Variants in PSG6 observed in about 807,000 individuals in gnomAD.
PSG6 encodes pregnancy-specific beta-1-glycoprotein 6.
Under a neutral mutation model 43.3 loss-of-function variants are expected in PSG6, and 51 were observed. That is an observed-to-expected ratio of 1.18 (90% confidence interval 0.94 to 1.49). The LOEUF (loss-of-function observed/expected upper bound fraction) is 1.49. Ranked by LOEUF, PSG6 falls within the 40% of genes most tolerant of loss-of-function variation. The probability of loss-of-function intolerance (pLI) is 0.00; values close to 1 mark genes in which losing one functional copy is unlikely to be tolerated. For synonymous variants in PSG6, 292 were observed against 197.6 expected, an observed-to-expected ratio of 1.48 and a Z score of -4.01; for missense variants, 770 against 522.2, an observed-to-expected ratio of 1.47 and a Z score of -4.62.
chr19:42,910,674 A>C lies in PSG6; in HGVS notation c.612T>G (p.Phe204Leu), dbSNP rs201297782. ...GTCCTGCAATATACTTTGTGACACC[A>C]AATAGATAGAGGGTCCTGTTGGTTT... ...LSKTNRTLYL[F>L]GVTKYIAGPY... The change falls in exon 3 of 6, where the codon TTT (phenylalanine) becomes TTG (leucine). Residue 204 changes from phenylalanine (F) to leucine (L), a missense_variant. Transcript: ENST00000187910. The C allele has an allele frequency of 2.4e-4, 394 of 1,612,358 alleles. 16 individuals are homozygous for C. The East Asian group carries it at 8.4e-3, about 35-fold the overall frequency.
At chr19:42,915,977 T>A in intron 2 of PSG6, 148 bp downstream of exon 2, 1 of 1,348,406 alleles carries the variant, frequency 7.4e-7, no homozygotes, top group African/African-American at 1.5e-5. Context: ...GTCTCCTCTG[T>A]GTGTGTCCTG....
chr19:42,916,551 C>G, intron 1 of PSG6, 64 bp from the exon 2 acceptor site: 1 of 1,552,020 alleles, frequency 6.4e-7, no homozygotes, highest in East Asian at 2.3e-5. Context: ...AAGATGGGGC[C>G]CTGTGTCCTG....
At chr19:42,908,337 G>A (rs139666909) in intron 3 of PSG6, among the ~76,000 whole-genome samples, 1 of 151,714 alleles carries the variant, frequency 6.6e-6, no homozygotes, top group African/African-American at 2.4e-5. Flanking sequence ...CAGATACTGA[G>A]CAGCCTGGCC....
rs879766841 is a variant in PSG6, at chr19:42,914,738, C to G, written c.427+1387G>C. On this transcript the variant is annotated intron_variant, in intron 2 of 5. Coordinates refer to ENST00000187910, the MANE Select transcript of PSG6 (RefSeq NM_001031850.4). The stretch of plus-strand genomic sequence containing the variant: ...GTTTTGGATCATCCATTTCTTCATT[C>G]CATTCCTTCATTTGTTATGTGAGAG... 4.7e-4 allele frequency among the ~76,000 whole-genome samples: 71 copies of G among 151,688 alleles called. 1 individual carries two copies. The highest frequency in any genetic ancestry group is 1.7e-3 in the African/African-American group (70 of 41,354).
rs1263875302 is a variant in PSG6, at chr19:42,916,177, C to A, written c.375G>T (p.Lys125Asn). ...TTACTCCTCCAGTCCCATCGCCTCG[C>A]TTTATGATGTGTAAGGTGTAGGATC... ...DAGSYTLHII[K>N]RGDGTGGVTG... is the part of the protein sequence containing the mutation. The change falls in exon 2 of 6, where the codon AAG (lysine) becomes AAT (asparagine). Residue 125 changes from lysine to asparagine, a missense_variant. Physicochemically the swap from Lys to Asn is moderately conservative, Grantham distance 94. Coordinates refer to ENST00000187910, the MANE Select transcript of PSG6 (RefSeq NM_001031850.4). The A allele has an allele frequency of 6.2e-7, 1 of 1,612,022 alleles. No homozygotes were observed. Among genetic ancestry groups the A allele is most frequent in the African/African-American group, 1.3e-5 (1 of 74,710 alleles).
At chr19:42,916,599 C>T in intron 1 of PSG6, 112 bp from the exon 2 acceptor site, 3 of 1,406,982 alleles carry the variant, frequency 2.1e-6, no homozygotes, top group South Asian at 1.4e-5. Context: ...AAGATATGCA[C>T]ACACACACAT....
At chr19:42,911,149 A>C (rs958645592) in intron 2 of PSG6, among the ~76,000 whole-genome samples, 2 of 151,548 alleles carry the variant, frequency 1.3e-5, no homozygotes, top group Non-Finnish European at 2.9e-5. Flanking sequence ...TGCCTCTCTG[A>C]GTCCCTCCGT....
At chr19:42,913,872 C>A (rs1410038248) in intron 2 of PSG6, among the ~76,000 whole-genome samples, 4 of 151,498 alleles carry the variant, frequency 2.6e-5, no homozygotes, top group Admixed American at 1.3e-4. Context: ...CAGCAGTACT[C>A]ATTTTTTAGT....
At chr19:42,917,097 A>G in intron 1 of PSG6, among the ~76,000 whole-genome samples, 1 of 150,538 alleles carries the variant, frequency 6.6e-6, no homozygotes, top group African/African-American at 2.5e-5. Flanking sequence ...CCAATTGTTG[A>G]GGTTTTTTGC....
At chr19:42,912,205 G>A (rs1283679645) in intron 2 of PSG6, among the ~76,000 whole-genome samples, 1 of 151,438 alleles carries the variant, frequency 6.6e-6, no homozygotes, top group African/African-American at 2.4e-5. Flanking sequence ...TTCAGATTGT[G>A]GATTTCTGGA....
chr19:42,906,656 G>T (rs1972117266), intron 5 of PSG6: 2 of 1,403,030 alleles, frequency 1.4e-6, no homozygotes, highest in East Asian at 2.5e-5. Flanking sequence ...CCTCTGTGAA[G>T]CCTCTTCTAC....
chr19:42,916,129 T>G lies in PSG6; in HGVS notation c.423A>C (p.Leu141Phe). 10 of 1,611,126 alleles carry G rather than the reference T, an allele frequency of 6.2e-6. 1 individual carries two copies. The highest frequency in any genetic ancestry group is 7.6e-6 in the Non-Finnish European group (9 of 1,178,640). Residue 141 changes from leucine to phenylalanine, a missense_variant, in exon 2 of 6, where the codon TTA (leucine) becomes TTC (phenylalanine). Physicochemically the swap from Leu to Phe is conservative, Grantham distance 22 (BLOSUM62 0). Transcript: ENST00000187910. ...GGVTGYFTVT[L>F]YSETPKPSIS... ...GGATCATGCGGAATCACTCACAGTA[T>G]AAGGTGACAGTGAAATATCCAGTTA...
At position 42,902,554 on chromosome 19, in the gene PSG6, T is replaced by A. The variant is rs376062363; in HGVS notation, c.1241-108A>T. On this transcript the variant is annotated intron_variant, in intron 5 of 5. Coordinates refer to ENST00000187910, the MANE Select transcript of PSG6 (RefSeq NM_001031850.4). The stretch of plus-strand genomic sequence containing the variant: ...GCAAGGGTGTGAAAGCAAGTCTAGT[T>A]CTCCGAGGCTCTCTTTAACTCCAAT... The A allele has an allele frequency of 3.0e-5, 44 of 1,460,874 alleles. 2 individuals are homozygous for A. In the African/African-American group the frequency reaches 3.7e-4, roughly 12 times the overall value. The allele number at this position is 1,460,874 out of a possible 1,614,324, so 90.5% of individuals were successfully genotyped here. A position where few individuals can be genotyped will look rare whatever the true frequency, so the allele number is the denominator to read the frequency against.
chr19:42,904,729 A>G (rs1474246918), intron 5 of PSG6, among the ~76,000 whole-genome samples: 2 of 151,678 alleles, frequency 1.3e-5, no homozygotes, highest in Non-Finnish European at 2.9e-5. Flanking sequence ...AGTGAGCTGC[A>G]GATTCAATAC....
chr19:42,917,703 C>A, intron 1 of PSG6, 26 bp downstream of exon 1: 1 of 1,607,590 alleles, frequency 6.2e-7, no homozygotes, highest in Non-Finnish European at 8.5e-7. Flanking sequence ...CTCCTCCTGT[C>A]CTCTCCCAGG....
intron 1 of PSG6, among the ~76,000 whole-genome samples, 177 bp from the exon 2 acceptor site, chr19:42,916,664 GTC>G (rs1972342139): frequency 1.3e-5 from 2 of 149,832 alleles, no homozygotes; most frequent in South Asian, 4.5e-4. Flanking sequence ...ATGTGTGTGT[GTC>G]CTACTGTCCT....
At chr19:42,902,552 G>T (rs1972051919) in intron 5 of PSG6, 106 bp from the exon 6 acceptor site, 3 of 1,480,256 alleles carry the variant, frequency 2.0e-6, no homozygotes, top group Non-Finnish European at 2.8e-6. Context: ...AGCAAGTCTA[G>T]TTCTCCGAGG....
rs912840914 is a variant in PSG6 at position 42,904,357 on chromosome 19, A to C, written c.1241-1911T>G. Among the ~76,000 whole-genome samples, 16 of 151,624 alleles carry C rather than the reference A, an allele frequency of 1.1e-4. 2 individuals are homozygous for C. Among genetic ancestry groups the C allele is most frequent in the Admixed American group, 4.6e-4 (7 of 15,180 alleles). The stretch of plus-strand genomic sequence containing the variant: ...CAAATTGGAAGGAAGGAGTAAAATT[A>C]TTTCTGTTTATAGATAACTTGAACT... On this transcript the variant is annotated intron_variant, in intron 5 of 5. Coordinates refer to ENST00000187910, the MANE Select transcript of PSG6 (RefSeq NM_001031850.4).
rs937317040 is a variant in PSG6, at chr19:42,913,781, C to T, written c.427+2344G>A. 5.3e-5 allele frequency among the ~76,000 whole-genome samples: 8 copies of T among 151,598 alleles called. 1 individual carries two copies. Among genetic ancestry groups the T allele is most frequent in the African/African-American group, 1.9e-4 (8 of 41,258 alleles). ...TCCATACCTATGCCTAATGGCTCAG[C>T]CAGTCATGTGGCCCCTACCTAGAGG... On this transcript the variant is annotated intron_variant, in intron 2 of 5. Transcript: ENST00000187910.
Sources: gnomAD v4.1 joint callset for allele counts (sites outside exome capture counted in the v4.1 genomes callset) on GRCh38, gnomAD v4.1.1 for gene constraint, MANE v1.5 for transcripts, NCBI Gene and HGNC (gene_info 2026-07-23, HGNC 2026-07-21) for gene names.